Variants in SELP observed in about 807,000 individuals in gnomAD.
SELP encodes the protein selectin P.
Under a neutral mutation model 104.1 loss-of-function variants are expected in SELP, and 92 were observed. The ratio of observed to expected loss-of-function variants is 0.88; its 90% CI spans 0.75 to 1.05. SELP has a LOEUF of 1.05. Among genes scored for constraint, SELP ranks in the 50% least tolerant of loss-of-function variants. The pLI, the probability that SELP is intolerant of heterozygous loss-of-function variation, is 0.00. For missense variants in SELP, 1,022 were observed against 1,017.3 expected (o/e 1.00, Z -0.06); for synonymous variants, 397 against 364.5 (o/e 1.09, Z -1.01).
intron 13 of SELP, among the ~76,000 whole-genome samples, chr1:169,593,965 A>G (rs1661470105): frequency 6.6e-6 from 1 of 152,208 alleles, no homozygotes; most frequent in South Asian, 2.1e-4. Context: ...TGTAATTTCC[A>G]AAGGAATCAG....
At chr1:169,629,875 C>T (rs1364035800) in intron 1 of SELP, among the ~76,000 whole-genome samples, 197 bp downstream of exon 1, 1 of 152,208 alleles carries the variant, frequency 6.6e-6, no homozygotes, top group African/African-American at 2.4e-5. Context: ...GAAATAGCAA[C>T]CTCAACTCAC....
rs748787596 is a variant in SELP, at chr1:169,612,336, G to C, written c.842C>G (p.Ala281Gly). Reference sequence around the variant, plus strand: ...GCTGCAGCTAGACTGATGCTGGAATGCTTTTGCAGAATGAAGGCAGGTCAT... The same window carrying C: ...GCTGCAGCTAGACTGATGCTGGAATCCTTTTGCAGAATGAAGGCAGGTCAT... The part of the protein sequence containing the change: ...GNMTCLHSAK[A>G]FQHQSSCSFS... The change falls in exon 6 of 17, where the codon GCA becomes GGA. Residue 281 changes from alanine (A) to glycine (G), a missense_variant. Ala to Gly is a moderately conservative substitution (Grantham distance 60). Coordinates refer to ENST00000263686, the MANE Select transcript of SELP (RefSeq NM_003005.4). 1 of 1,614,136 alleles carries C rather than the reference G, an allele frequency of 6.2e-7. No individual in the cohort carries two copies. The highest frequency in any genetic ancestry group is 8.5e-7 in the Non-Finnish European group (1 of 1,180,002).
Position 169,596,245 on chromosome 1 carries a change from C to G in SELP, c.1892-111G>C, listed in dbSNP as rs1016121050. The stretch of plus-strand genomic sequence containing the variant: ...TTCACTCCCTTCATAACAAGGGAGG[C>G]TCCTGCAAGAGCTATTTAAGGAAGT... On this transcript the variant is annotated intron_variant, in intron 11 of 16. Coordinates refer to ENST00000263686, the MANE Select transcript of SELP (RefSeq NM_003005.4). 2.7e-5 allele frequency: 25 copies of G among 912,412 alleles called. No individual in the cohort carries two copies. In the South Asian group the frequency reaches 3.8e-4, roughly 14 times the overall value. The allele number at this position is 912,412 out of a possible 1,614,324, so 56.5% of individuals were successfully genotyped here.
chr1:169,620,754 C>T (rs1157949820), intron 1 of SELP, among the ~76,000 whole-genome samples: 6 of 148,020 alleles, frequency 4.1e-5, no homozygotes, highest in Admixed American at 1.4e-4. Context: ...TGTGTCATGC[C>T]CCAGTGATGG....
At chr1:169,607,215 G>T (rs529318662) in intron 8 of SELP, 81 bp from the exon 9 acceptor site, 8 of 1,174,018 alleles carry the variant, frequency 6.8e-6, no homozygotes, top group Non-Finnish European at 9.1e-6. Flanking sequence ...TCTTTCTAGT[G>T]TCAAGAACAG....
intron 15 of SELP, among the ~76,000 whole-genome samples, chr1:169,591,122 C>T (rs543271684): frequency 1.3e-5 from 2 of 152,274 alleles, no homozygotes; most frequent in African/African-American, 2.4e-5. Context: ...CCTGCGTGGG[C>T]GTTGCTTTCC....
At chr1:169,605,128 T>C (rs915173603) in intron 9 of SELP, among the ~76,000 whole-genome samples, 1 of 152,232 alleles carries the variant, frequency 6.6e-6, no homozygotes, top group African/African-American at 2.4e-5. Flanking sequence ...AACTGTAATC[T>C]GTGCCCTGCA....
At chr1:169,596,904 A>G (rs766696011) in intron 11 of SELP, 87 bp downstream of exon 11, 219 of 1,211,744 alleles carry the variant, frequency 1.8e-4, no homozygotes, top group Non-Finnish European at 2.4e-4. Flanking sequence ...ACAATTATCT[A>G]GTTCACATAT....
chr1:169,591,168 C>T (rs1661337536), intron 15 of SELP, among the ~76,000 whole-genome samples: 2 of 152,178 alleles, frequency 1.3e-5, no homozygotes, highest in Admixed American at 1.3e-4. Context: ...TTCTGATGAC[C>T]TCATTGCATC....
chr1:169,623,919 GTTATTC>G (rs1663253591), intron 1 of SELP, among the ~76,000 whole-genome samples: 1 of 152,202 alleles, frequency 6.6e-6, no homozygotes, highest in African/African-American at 2.4e-5. Context: ...GGTTAACACA[GTTATTC>G]TTATTCTTCC....
In SELP at chr1:169,594,792, G is replaced by T; in HGVS notation, c.2187C>A (p.Ile729=). ...NLWGNFSYGS[I]CSFHCLEGQL... The stretch of plus-strand genomic sequence containing the variant: ...GGCCCTCTAGACAATGGAAAGAGCA[G>T]ATTGATCCATAACTGAAGTTTCCCC... The change falls in exon 13 of 17, where the codon ATC becomes ATA. Residue 729 remains isoleucine (I), a synonymous_variant. Coordinates refer to ENST00000263686, the MANE Select transcript of SELP (RefSeq NM_003005.4). 1 of 1,613,864 alleles carries T rather than the reference G, an allele frequency of 6.2e-7. No homozygotes were observed. Among genetic ancestry groups the T allele is most frequent in the Non-Finnish European group, 8.5e-7 (1 of 1,179,842 alleles).
intron 13 of SELP, 140 bp from the exon 14 acceptor site, chr1:169,593,864 G>A (rs2101864797): frequency 1.3e-6 from 1 of 743,370 alleles, no homozygotes; most frequent in Non-Finnish European, 2.1e-6. Flanking sequence ...ATGCTGACAA[G>A]CTAACATGAA....
intron 14 of SELP, 21 bp from the exon 15 acceptor site, chr1:169,591,477 A>G (rs1461897270): frequency 2.0e-6 from 3 of 1,536,010 alleles, no homozygotes; most frequent in Middle Eastern, 1.7e-4. Context: ...CAAGAAGACA[A>G]GAATGAATGA....
At chr1:169,603,311 G>GTA (rs1557954080) in intron 9 of SELP, 100 bp from the exon 10 acceptor site, 11 of 228,998 alleles carry the variant, frequency 4.8e-5, no homozygotes, top group African/African-American at 6.2e-5. Context: ...CTCTCTCTGT[G>GTA]TGTGTGTGTG....
At chr1:169,598,605 A>G (rs1661745520) in intron 10 of SELP, among the ~76,000 whole-genome samples, 2 of 152,348 alleles carry the variant, frequency 1.3e-5, no homozygotes, top group South Asian at 2.1e-4. Context: ...TTTTTGAAAC[A>G]TGTCTACTGG....
At chr1:169,594,445 G>A (rs932399314) in intron 13 of SELP, among the ~76,000 whole-genome samples, 8 of 152,106 alleles carry the variant, frequency 5.3e-5, no homozygotes, top group Non-Finnish European at 8.8e-5. Context: ...TTATAACGAA[G>A]CAAAAGGTTT....
At chr1:169,616,338 G>T (rs1260389603) in intron 3 of SELP, among the ~76,000 whole-genome samples, 3 of 152,066 alleles carry the variant, frequency 2.0e-5, no homozygotes, top group African/African-American at 4.8e-5. Flanking sequence ...AGTTTACATG[G>T]CTAAAAAACA....
In SELP at chr1:169,590,203, C is replaced by A. The variant is rs376563630; in HGVS notation, c.2439-1G>T. 1 of 1,611,904 alleles carries A rather than the reference C, an allele frequency of 6.2e-7. No homozygotes were observed. The highest frequency in any genetic ancestry group is 8.5e-7 in the Non-Finnish European group (1 of 1,178,254). On this transcript the variant is annotated splice_acceptor_variant, in intron 15 of 16. Coordinates refer to ENST00000263686, the MANE Select transcript of SELP (RefSeq NM_003005.4). LOFTEE classifies it high-confidence loss of function. ...AAAAACTCCATATGTTCCTAGGTGG[C>A]TAAAGAACAGAAACACAAGGATGGC...
chr1:169,607,046 G>T lies in SELP; in HGVS notation c.1422C>A (p.Cys474Ter), dbSNP rs1662238599. The T allele has an allele frequency of 6.2e-7, 1 of 1,613,738 alleles. No homozygotes were observed. Among genetic ancestry groups the T allele is most frequent in the African/African-American group, 1.3e-5 (1 of 74,996 alleles). ...PFGAFRYQSV[C>*]SFTCNEGLLL... ...GCAAGCCTTCATTGCAGGTGAAGCT[G>T]CAGACTGACTGGTACCTAAAGGCAC... The change falls in exon 9 of 17, where the codon TGC becomes TGA. Residue 474 changes from cysteine (C) to a stop codon, truncating the protein, a stop_gained. Transcript: ENST00000263686. LOFTEE classifies it high-confidence loss of function.
Sources: gnomAD v4.1 joint callset for allele counts (sites outside exome capture counted in the v4.1 genomes callset) on GRCh38, gnomAD v4.1.1 for gene constraint, MANE v1.5 for transcripts, NCBI Gene and HGNC (gene_info 2026-07-23, HGNC 2026-07-21) for gene names.